Variants in GLRB observed in about 807,000 individuals in gnomAD.
GLRB encodes glycine receptor beta, also known as glycine receptor subunit beta.
Under a neutral mutation model 54.2 loss-of-function variants are expected in GLRB, and 33 were observed. That is an observed-to-expected ratio of 0.61 (90% CI 0.46 to 0.81). The LOEUF (loss-of-function observed/expected upper bound fraction) is 0.81, where lower values mean the gene tolerates loss of function less well. Among genes scored for constraint, GLRB ranks in the 40% least tolerant of loss-of-function variants. GLRB has a pLI of 0.00. For synonymous variants in GLRB, 209 were observed against 208.2 expected (o/e 1.00, Z -0.03); for missense variants, 572 against 584.6 (o/e 0.98, Z 0.22).
intron 8 of GLRB, among the ~76,000 whole-genome samples, chr4:157,146,830 C>G (rs1030306510): frequency 2.7e-5 from 4 of 150,348 alleles, no homozygotes; most frequent in African/African-American, 9.8e-5. Flanking sequence ...CCCACCTCCC[C>G]CCGCAAAAAA....
intron 9 of GLRB, among the ~76,000 whole-genome samples, chr4:157,164,074 A>G (rs1324434259): frequency 1.3e-5 from 2 of 151,794 alleles, no homozygotes; most frequent in African/African-American, 4.8e-5. Flanking sequence ...CTACTGGGTC[A>G]TTTCAGACTT....
At chr4:157,078,401 A>C (rs1240070249) in intron 2 of GLRB, 1 of 188,604 alleles carries the variant, frequency 5.3e-6, no homozygotes, top group Admixed American at 6.5e-5. Context: ...TACACTGTTT[A>C]CAAAAGTAGA....
intron 4 of GLRB, among the ~76,000 whole-genome samples, chr4:157,129,274 G>A (rs1736127603): frequency 6.6e-6 from 1 of 151,512 alleles, no homozygotes; most frequent in Admixed American, 6.6e-5. Flanking sequence ...TGTTTCTGAT[G>A]GGAATTTGTT....
In GLRB at chr4:157,102,994, G is replaced by A. The variant is rs1273357754; in HGVS notation, c.123-17562G>A. On this transcript the variant is annotated intron_variant, in intron 2 of 9. Coordinates refer to ENST00000264428, the MANE Select transcript of GLRB (RefSeq NM_000824.5). ...AGCCTGGCCAACATAGTGAAACCCC[G>A]TCTCTACTAACTTGTGCATGGGGAT... is the stretch of plus-strand genomic sequence containing the variant. Among the ~76,000 whole-genome samples, 5 of 151,822 alleles carry A rather than the reference G, an allele frequency of 3.3e-5. No homozygotes were observed. In the East Asian group the frequency reaches 5.8e-4, roughly 18 times the overall value.
Position 157,156,718 on chromosome 4 carries a change from T to C in GLRB, c.1197+3708T>C, listed in dbSNP as rs531121850. Among the ~76,000 whole-genome samples, 239 of 152,324 alleles carry C rather than the reference T, an allele frequency of 1.6e-3. 1 individual carries two copies. Among genetic ancestry groups the C allele is most frequent in the African/African-American group, 5.5e-3 (228 of 41,578 alleles). ...TCCAATCATGTTCATAATTGGTCAC[T>C]GAATAATTTTTATCATGAATGTTGT... On this transcript the variant is annotated intron_variant, in intron 9 of 9. Coordinates refer to ENST00000264428, the MANE Select transcript of GLRB (RefSeq NM_000824.5).
In GLRB at chr4:157,122,342, A is replaced by T. The variant is rs748982851; in HGVS notation, c.242A>T (p.Asp81Val). The T allele has an allele frequency of 3.1e-6, 4 of 1,284,816 alleles. No homozygotes were observed. In the Admixed American group the frequency reaches 6.9e-5, roughly 22 times the overall value. The allele number at this position is 1,284,816 out of a possible 1,614,324, so 79.6% of individuals were successfully genotyped here. Residue 81 changes from aspartate to valine, a missense_variant, in exon 4 of 10, where the codon GAT becomes GTT. Coordinates refer to ENST00000264428, the MANE Select transcript of GLRB (RefSeq NM_000824.5). ...TTTTTATTCATAGGCATTCCTGTTG[A>T]TGTAGTAGTCAACATTTTTATTAAC... Reference protein sequence around the residue: ...IRPNFKGIPVDVVVNIFINSF... With the variant: ...IRPNFKGIPVVVVVNIFINSF...
At chr4:157,155,524 T>A (rs1477670882) in intron 9 of GLRB, among the ~76,000 whole-genome samples, 1 of 152,218 alleles carries the variant, frequency 6.6e-6, no homozygotes, top group Admixed American at 6.5e-5. Context: ...TTCTCCTTCA[T>A]TGTTGAAGGA....
At chr4:157,079,078 C>CT (rs1271951989) in intron 2 of GLRB, among the ~76,000 whole-genome samples, 2 of 151,850 alleles carry the variant, frequency 1.3e-5, no homozygotes, top group African/African-American at 2.4e-5. Context: ...CTGGCCAAGT[C>CT]TTTTTTTTAA....
chr4:157,103,851 T>C (rs1735126516), intron 2 of GLRB, among the ~76,000 whole-genome samples: 1 of 152,142 alleles, frequency 6.6e-6, no homozygotes, highest in Non-Finnish European at 1.5e-5. Flanking sequence ...TATTCATTAT[T>C]GGTATATAGA....
chr4:157,082,258 C>CTTTGGGATTAT (rs1443572817), intron 2 of GLRB, among the ~76,000 whole-genome samples: 1 of 152,158 alleles, frequency 6.6e-6, no homozygotes, highest in East Asian at 1.9e-4. Context: ...GGAAACCTTT[C>CTTTGGGATTAT]CTAATCCTGA....
intron 2 of GLRB, among the ~76,000 whole-genome samples, chr4:157,090,955 A>T (rs932524535): frequency 6.6e-6 from 1 of 152,158 alleles, no homozygotes; most frequent in Admixed American, 6.5e-5. Flanking sequence ...TCTCAAAGTT[A>T]CAGGTTCTCT....
chr4:157,157,849 A>G lies in GLRB; in HGVS notation c.1197+4839A>G, dbSNP rs562705604. 2.7e-4 allele frequency among the ~76,000 whole-genome samples: 41 copies of G among 152,308 alleles called. No individual in the cohort carries two copies. The South Asian group carries it at 8.5e-3, about 32-fold the overall frequency. On this transcript the variant is annotated intron_variant, in intron 9 of 9. Transcript: ENST00000264428. Reference sequence around the variant, plus strand: ...ACATGATTTATAATCCTTTAGATATATGCCCAGTAATGAGATGGCTGGGTC... The same window carrying G: ...ACATGATTTATAATCCTTTAGATATGTGCCCAGTAATGAGATGGCTGGGTC...
intron 2 of GLRB, among the ~76,000 whole-genome samples, chr4:157,103,925 CTG>C (rs376968026): frequency 6.7e-6 from 1 of 150,170 alleles, no homozygotes; most frequent in Non-Finnish European, 1.5e-5. Flanking sequence ...TCAGTTTTAA[CTG>C]TGTGTGTGTG....
intron 2 of GLRB, among the ~76,000 whole-genome samples, chr4:157,119,857 A>G (rs1322353549): frequency 2.6e-5 from 4 of 151,728 alleles, no homozygotes; most frequent in African/African-American, 9.7e-5. Flanking sequence ...TAGAAATGCC[A>G]TTTGACCCAG....
At chr4:157,115,976 A>G (rs2126518616) in intron 2 of GLRB, among the ~76,000 whole-genome samples, 1 of 151,912 alleles carries the variant, frequency 6.6e-6, no homozygotes, top group East Asian at 1.9e-4. Context: ...TAGTTTTAGC[A>G]AGAAGATTAA....
At position 157,171,559 on chromosome 4, in the gene GLRB, A is replaced by T. The variant is rs572618601; in HGVS notation, c.*831A>T. 1 of 152,446 alleles carries T rather than the reference A, an allele frequency of 6.6e-6. No homozygotes were observed. Among genetic ancestry groups the T allele is most frequent in the South Asian group, 2.1e-4 (1 of 4,826 alleles). 9.4% of individuals were successfully genotyped at this position (152,446 alleles called of 1,614,324 possible). A position where few individuals can be genotyped will look rare whatever the true frequency, so the allele number is the denominator to read the frequency against. On this transcript the variant is annotated 3_prime_UTR_variant, in exon 10 of 10. Transcript: ENST00000264428. ...ATGAGTCATACATCTTTTAAATTGGAATGCAGTAATAGATATGTGATTTTA... is the reference window on the plus strand; with the variant it reads ...ATGAGTCATACATCTTTTAAATTGGTATGCAGTAATAGATATGTGATTTTA...
At chr4:157,160,256 C>T (rs1185642218) in intron 9 of GLRB, among the ~76,000 whole-genome samples, 3 of 145,254 alleles carry the variant, frequency 2.1e-5, no homozygotes, top group Non-Finnish European at 3.0e-5. Context: ...AGTGGTCTAT[C>T]GATTTTTTTC....
chr4:157,120,734 T>C, intron 3 of GLRB, 72 bp downstream of exon 3: 2 of 738,942 alleles, frequency 2.7e-6, no homozygotes, highest in East Asian at 3.0e-5. Flanking sequence ...AGATTTGTGA[T>C]ATTTTATATG....
chr4:157,148,012 C>G (rs1291628299), intron 8 of GLRB, among the ~76,000 whole-genome samples: 2 of 152,134 alleles, frequency 1.3e-5, no homozygotes, highest in South Asian at 2.1e-4. Context: ...TTGCTGATCC[C>G]TGGTCCATAG....
Sources: gnomAD v4.1 joint callset for allele counts (sites outside exome capture counted in the v4.1 genomes callset) on GRCh38, gnomAD v4.1.1 for gene constraint, MANE v1.5 for transcripts, NCBI Gene and HGNC (gene_info 2026-07-23, HGNC 2026-07-21) for gene names.